The following TMED5 variants were observed in gnomAD, a reference collection of about 807,000 sequenced individuals.
TMED5 encodes transmembrane p24 trafficking protein 5, also known as transmembrane emp24 domain-containing protein 5.
Under a neutral mutation model 23.0 loss-of-function variants are expected in TMED5, and 27 were observed. The ratio of observed to expected loss-of-function variants is 1.17; its 90% CI spans 0.86 to 1.62. The LOEUF (loss-of-function observed/expected upper bound fraction) is 1.62. Ranked by LOEUF, TMED5 falls within the 40% of genes most tolerant of loss-of-function variation. The pLI is 0.00. For synonymous variants in TMED5, 97 were observed against 100.8 expected (o/e 0.96, Z 0.23); for missense variants, 248 against 273.7 (o/e 0.91, Z 0.66).
chr1:93,167,557 T>C (rs1030758518), intron 1 of TMED5, among the ~76,000 whole-genome samples: 1 of 152,352 alleles, frequency 6.6e-6, no homozygotes, highest in Middle Eastern at 3.4e-3. Flanking sequence ...TTCAGATTGT[T>C]CACTGTTGGC....
chr1:93,176,961 T>C (rs1043930608), intron 1 of TMED5, among the ~76,000 whole-genome samples: 1 of 152,160 alleles, frequency 6.6e-6, no homozygotes, highest in Non-Finnish European at 1.5e-5. Flanking sequence ...GGCATTAAAG[T>C]TTTCAAGAAC....
At chr1:93,175,569 T>C (rs749091233) in intron 1 of TMED5, among the ~76,000 whole-genome samples, 2 of 151,822 alleles carry the variant, frequency 1.3e-5, no homozygotes, top group Non-Finnish European at 2.9e-5. Context: ...ATATTAGGCA[T>C]GTATACCTGT....
In TMED5 at chr1:93,180,155, G is replaced by A; in HGVS notation, c.88C>T (p.Pro30Ser). ...AAGGTGAAGTCGCTATCGAGGGAAGGTGTGAAGCCGGCCGCCCCAGGCAGC... is the reference window on the plus strand; with the variant it reads ...AAGGTGAAGTCGCTATCGAGGGAAGATGTGAAGCCGGCCGCCCCAGGCAGC... Reference protein sequence around the residue: ...VLLPGAAGFTPSLDSDFTFTL... With the variant: ...VLLPGAAGFTSSLDSDFTFTL... The change falls in exon 1 of 4, where the codon CCT becomes TCT. Residue 30 changes from proline (P) to serine (S), a missense_variant. Transcript: ENST00000370282. 1 of 1,613,534 alleles carries A rather than the reference G, an allele frequency of 6.2e-7. No homozygotes were observed. The highest frequency in any genetic ancestry group is 8.5e-7 in the Non-Finnish European group (1 of 1,179,766).
rs533237271 is a variant in TMED5 at position 93,169,703 on chromosome 1, C to T, written c.190-9477G>A. ...AAAAAAAGAGAAAAGACACAGAACA[C>T]TAATATCAGAAATAAAAGCTGGGTC... On this transcript the variant is annotated intron_variant, in intron 1 of 3. Transcript: ENST00000370282. Among the ~76,000 whole-genome samples, 7 of 152,036 alleles carry T rather than the reference C, an allele frequency of 4.6e-5. No individual in the cohort carries two copies. In the South Asian group the frequency reaches 1.5e-3, roughly 32 times the overall value.
intron 1 of TMED5, among the ~76,000 whole-genome samples, chr1:93,172,405 A>G (rs1197820337): frequency 2.6e-5 from 4 of 152,154 alleles, no homozygotes; most frequent in African/African-American, 4.8e-5. Context: ...TTTCCTATAC[A>G]CCAGCAACAA....
intron 1 of TMED5, among the ~76,000 whole-genome samples, chr1:93,166,872 C>G (rs1648526946): frequency 6.6e-6 from 1 of 152,110 alleles, no homozygotes. Flanking sequence ...CTAATGTTTT[C>G]TGGTAGTAGT....
chr1:93,174,377 T>C (rs1369951316), intron 1 of TMED5, among the ~76,000 whole-genome samples: 2 of 152,226 alleles, frequency 1.3e-5, no homozygotes, highest in Non-Finnish European at 2.9e-5. Context: ...TGTGGTGGCA[T>C]GTGCCTGTAG....
At chr1:93,166,606 A>C (rs1418313735) in intron 1 of TMED5, among the ~76,000 whole-genome samples, 4 of 124,670 alleles carry the variant, frequency 3.2e-5, no homozygotes, top group Admixed American at 9.7e-5. Context: ...TTTTTAAATT[A>C]GATTAGATTT....
intron 2 of TMED5, among the ~76,000 whole-genome samples, chr1:93,158,635 A>G: frequency 6.8e-6 from 1 of 146,776 alleles, no homozygotes; most frequent in Admixed American, 7.0e-5. Context: ...CAGCGGCGCC[A>G]TCTCAGCTCA....
At position 93,180,250 on chromosome 1, in the gene TMED5, G is replaced by A. The variant is rs1237424174; in HGVS notation, c.-8C>T. On this transcript the variant is annotated 5_prime_UTR_variant, in exon 1 of 4. Coordinates refer to ENST00000370282, the MANE Select transcript of TMED5 (RefSeq NM_016040.5). ...CCAGATCTTGTCGCCCATCCCTGCT[G>A]GGGCGATCCCGGGCTGAAAGAGGCG... 1 of 1,603,192 alleles carries A rather than the reference G, an allele frequency of 6.2e-7. No individual in the cohort carries two copies. Among genetic ancestry groups the A allele is most frequent in the South Asian group, 1.1e-5 (1 of 90,372 alleles).
intron 1 of TMED5, among the ~76,000 whole-genome samples, chr1:93,178,267 C>G (rs1468226782): frequency 6.6e-6 from 1 of 152,206 alleles, no homozygotes; most frequent in East Asian, 1.9e-4. Flanking sequence ...CTAATACAAA[C>G]TCAGTACTTG....
chr1:93,158,629 G>A (rs527797640), intron 2 of TMED5, among the ~76,000 whole-genome samples: 18 of 149,464 alleles, frequency 1.2e-4, no homozygotes, highest in African/African-American at 4.2e-4. Context: ...GGAGTACAGC[G>A]GCGCCATCTC....
At chr1:93,170,136 C>T (rs1035952740) in intron 1 of TMED5, among the ~76,000 whole-genome samples, 22 of 152,218 alleles carry the variant, frequency 1.4e-4, no homozygotes, top group Non-Finnish European at 2.6e-4. Flanking sequence ...TCGCTCTCAG[C>T]GCCTCCTTGG....
chr1:93,170,310 G>C (rs377294709), intron 1 of TMED5, among the ~76,000 whole-genome samples: 2 of 152,228 alleles, frequency 1.3e-5, no homozygotes, highest in Admixed American at 6.5e-5. Context: ...TGATGCTTGC[G>C]GGCCAGCTCG....
Position 93,160,145 on chromosome 1 carries a change from ATTTTCTTTGTTCAAAAACTAAGGTT to A in TMED5, c.246_270del (p.Lys82AsnfsTer8), listed in dbSNP as rs1486083231. ...ATTACTTACGTGTGAACTCCATCTG[ATTTTCTTTGTTCAAAAACTAAGGTT>A]TTGCCTTCTGGAGAGGCAAGATGGA... is the stretch of plus-strand genomic sequence containing the variant. On this transcript the variant is annotated frameshift_variant, in exon 2 of 4. Coordinates refer to ENST00000370282, the MANE Select transcript of TMED5 (RefSeq NM_016040.5). LOFTEE classifies it high-confidence loss of function. 10 of 1,611,124 alleles carry A rather than the reference ATTTTCTTTGTTCAAAAACTAAGGTT, an allele frequency of 6.2e-6. No individual in the cohort carries two copies. The highest frequency in any genetic ancestry group is 8.5e-6 in the Non-Finnish European group (10 of 1,177,742).
At position 93,180,041 on chromosome 1, in the gene TMED5, C is replaced by T. The variant is rs1228247184; in HGVS notation, c.189+13G>A. 1.2e-6 allele frequency: 2 copies of T among 1,610,754 alleles called. No individual in the cohort carries two copies. Among genetic ancestry groups the T allele is most frequent in the Admixed American group, 1.7e-5 (1 of 59,388 alleles). Reference sequence around the variant, plus strand: ...GGTTAAAGGAAGGAGGCTGGTTTATCCTCCGCACTTACTTGGTACTCGATC... The same window carrying T: ...GGTTAAAGGAAGGAGGCTGGTTTATTCTCCGCACTTACTTGGTACTCGATC... On this transcript the variant is annotated intron_variant, in intron 1 of 3. Coordinates refer to ENST00000370282, the MANE Select transcript of TMED5 (RefSeq NM_016040.5).
intron 1 of TMED5, among the ~76,000 whole-genome samples, chr1:93,169,593 A>AG (rs1166184828): frequency 9.0e-5 from 2 of 22,166 alleles, no homozygotes; most frequent in Non-Finnish European, 3.0e-4. Context: ...AAATCAACGC[A>AG]GAAAAAAAAA....
intron 2 of TMED5, among the ~76,000 whole-genome samples, chr1:93,157,284 T>C (rs1648106354): frequency 6.6e-6 from 1 of 152,212 alleles, no homozygotes. Flanking sequence ...AATGCTTTTT[T>C]TGAGAATTAA....
At chr1:93,160,108 C>A in intron 2 of TMED5, 21 bp downstream of exon 2, 1 of 1,521,292 alleles carries the variant, frequency 6.6e-7, no homozygotes, top group South Asian at 1.1e-5. Context: ...CAATGAAACT[C>A]AACTAAAAGA....
Sources: allele counts gnomAD v4.1 joint callset (sites outside exome capture counted in the v4.1 genomes callset), GRCh38; gene constraint gnomAD v4.1.1; transcripts MANE v1.5; gene names NCBI Gene and HGNC (gene_info 2026-07-23, HGNC 2026-07-21).